Variants in ARB2A observed in about 807,000 individuals in gnomAD.
The protein encoded by ARB2A is cotranscriptional regulator ARB2A.
chr5:93,921,655 A>G, the ARB2A span, among the ~76,000 whole-genome samples: 1 of 152,212 alleles, frequency 6.6e-6, no homozygotes, highest in African/African-American at 2.4e-5. Flanking sequence ...AATTTAAGGC[A>G]GGAAGGCATA....
At chr5:93,748,905 T>C in the ARB2A span, among the ~76,000 whole-genome samples, 3 of 152,324 alleles carry the variant, frequency 2.0e-5, no homozygotes, top group Admixed American at 6.5e-5. Context: ...ATATCACTTA[T>C]GGTATGGTTT....
chr5:93,997,666 C>T, the ARB2A span, among the ~76,000 whole-genome samples: 1 of 152,030 alleles, frequency 6.6e-6, no homozygotes, highest in South Asian at 2.1e-4. Context: ...AATACCTCTG[C>T]AATGTATGAC....
the ARB2A span, among the ~76,000 whole-genome samples, chr5:93,713,063 G>T: frequency 2.0e-5 from 3 of 152,084 alleles, no homozygotes; most frequent in African/African-American, 4.8e-5. Flanking sequence ...AATCAAAATG[G>T]ATTAAAGATT....
chr5:93,896,021 T>C, the ARB2A span, among the ~76,000 whole-genome samples: 1 of 151,990 alleles, frequency 6.6e-6, no homozygotes, highest in Non-Finnish European at 1.5e-5. Flanking sequence ...CATCAAAACT[T>C]TTCTCAATAT....
the ARB2A span, among the ~76,000 whole-genome samples, chr5:93,665,790 T>G: frequency 6.6e-6 from 1 of 152,218 alleles, no homozygotes; most frequent in South Asian, 2.1e-4. Flanking sequence ...CTGCACGTAC[T>G]GAGCCCTGAC....
chr5:93,744,503 ACT>A, the ARB2A span, among the ~76,000 whole-genome samples: 1 of 146,816 alleles, frequency 6.8e-6, no homozygotes, highest in Non-Finnish European at 1.5e-5. Flanking sequence ...TTTAAAATTT[ACT>A]TGGATGCTCT....
chr5:93,653,680 A>G, the ARB2A span, among the ~76,000 whole-genome samples: 1 of 152,028 alleles, frequency 6.6e-6, no homozygotes, highest in Non-Finnish European at 1.5e-5. Flanking sequence ...CTATTACTGG[A>G]GCATCTTGGC....
chr5:93,700,026 C>T, the ARB2A span, among the ~76,000 whole-genome samples: 2 of 151,956 alleles, frequency 1.3e-5, no homozygotes, highest in Non-Finnish European at 2.9e-5. Flanking sequence ...ATAAGTAACA[C>T]AAATTCCAGG....
At chr5:94,107,602 C>A in the ARB2A span, among the ~76,000 whole-genome samples, 1 of 150,802 alleles carries the variant, frequency 6.6e-6, no homozygotes. Context: ...ATTAAAAATG[C>A]CCTTCCTTCT....
chr5:93,872,812 G>A, the ARB2A span, among the ~76,000 whole-genome samples: 7 of 151,998 alleles, frequency 4.6e-5, no homozygotes, highest in South Asian at 1.5e-3. Flanking sequence ...AGCTACCCAG[G>A]AGGCTGAAGC....
At chr5:93,824,025 T>C in the ARB2A span, 2 of 707,978 alleles carry the variant, frequency 2.8e-6, no homozygotes, top group Non-Finnish European at 4.1e-6. Context: ...AATTATTTAC[T>C]CAAAATATGT....
chr5:93,977,501 A>G, the ARB2A span, among the ~76,000 whole-genome samples: 11 of 152,302 alleles, frequency 7.2e-5, no homozygotes, highest in African/African-American at 2.6e-4. Flanking sequence ...AAAGTCAGTA[A>G]AAATAAACAA....
chr5:93,790,081 C>A, the ARB2A span, among the ~76,000 whole-genome samples: 2 of 152,088 alleles, frequency 1.3e-5, no homozygotes, highest in Non-Finnish European at 2.9e-5. Flanking sequence ...AGTCAGATTC[C>A]CTGGGTTCAA....
the ARB2A span, among the ~76,000 whole-genome samples, chr5:93,905,349 C>A: frequency 6.6e-6 from 1 of 151,456 alleles, no homozygotes; most frequent in Non-Finnish European, 1.5e-5. Flanking sequence ...AATTCTAGTA[C>A]GGCAGTGTGG....
chr5:94,105,768 G>GAAA, the ARB2A span, among the ~76,000 whole-genome samples: 1 of 129,942 alleles, frequency 7.7e-6, no homozygotes, highest in Admixed American at 7.8e-5. Context: ...CATGGTACTG[G>GAAA]AAAAAAAAAA....
the ARB2A span, among the ~76,000 whole-genome samples, chr5:93,936,619 C>T: frequency 6.6e-6 from 1 of 151,990 alleles, no homozygotes; most frequent in African/African-American, 2.4e-5. Context: ...TGAGTATGGC[C>T]ACTGCCAAAT....
At chr5:94,111,600 G>A in the ARB2A span, 1 of 152,282 alleles carries the variant, frequency 6.6e-6, no homozygotes, top group Non-Finnish European at 1.5e-5. Context: ...TCGTGCGGTT[G>A]TTATGACTTT....
At chr5:93,623,137 A>G in the ARB2A span, among the ~76,000 whole-genome samples, 4 of 152,132 alleles carry the variant, frequency 2.6e-5, no homozygotes, top group Non-Finnish European at 5.9e-5. Flanking sequence ...CACTTCAGTA[A>G]TAACTACACA....
the ARB2A span, among the ~76,000 whole-genome samples, chr5:93,756,229 A>G: frequency 6.6e-6 from 1 of 152,190 alleles, no homozygotes. Context: ...AGACTTGTCC[A>G]AGGAGAGTCT....
Sources: allele counts gnomAD v4.1 joint callset (sites outside exome capture counted in the v4.1 genomes callset), GRCh38; gene constraint gnomAD v4.1.1; transcripts MANE v1.5; gene names NCBI Gene and HGNC (gene_info 2026-07-23, HGNC 2026-07-21).